The following DENND1B variants were observed in gnomAD, a reference collection of about 807,000 sequenced individuals.
The protein encoded by DENND1B is DENN domain containing 1B.
Under a neutral mutation model 90.1 loss-of-function variants are expected in DENND1B, and 59 were observed. The ratio of observed to expected loss-of-function variants is 0.65; its 90% CI spans 0.53 to 0.81. The LOEUF (loss-of-function observed/expected upper bound fraction) is 0.81. Among genes scored for constraint, DENND1B ranks in the 40% least tolerant of loss-of-function variants. The pLI is 0.00. For synonymous variants in DENND1B, 337 were observed against 324.6 expected (o/e 1.04, Z -0.41); for missense variants, 862 against 912.6 (o/e 0.94, Z 0.71).
At chr1:197,735,358 C>T in intron 2 of DENND1B, 5 of 1,335,476 alleles carry the variant, frequency 3.7e-6, no homozygotes, top group East Asian at 3.2e-5. Context: ...TCCACCTTGG[C>T]TTTTGGCAAT....
At chr1:197,555,566 C>G (rs895399115) in intron 15 of DENND1B, among the ~76,000 whole-genome samples, 4 of 151,974 alleles carry the variant, frequency 2.6e-5, no homozygotes, top group Non-Finnish European at 5.9e-5. Context: ...AGACACTGCT[C>G]AAAAGAAGAT....
At chr1:197,777,877 T>A (rs547116320), upstream of DENND1B, among the ~76,000 whole-genome samples, 14 of 152,308 alleles carry the variant, frequency 9.2e-5, no homozygotes, top group East Asian at 2.7e-3. Flanking sequence ...ATATATATTC[T>A]GCAGCTTTGG....
chr1:197,714,122 G>A (rs1157254937), intron 3 of DENND1B, among the ~76,000 whole-genome samples: 7 of 149,602 alleles, frequency 4.7e-5, no homozygotes, highest in East Asian at 2.0e-4. Flanking sequence ...GATTACAGGC[G>A]CACGCCACCA....
chr1:197,546,267 T>C (rs961084837), intron 17 of DENND1B, among the ~76,000 whole-genome samples: 2 of 152,182 alleles, frequency 1.3e-5, no homozygotes, highest in African/African-American at 4.8e-5. Flanking sequence ...TTGAGCAATA[T>C]GACTAGTAAT....
At chr1:197,554,985 A>G (rs539997438) in intron 15 of DENND1B, among the ~76,000 whole-genome samples, 5 of 152,068 alleles carry the variant, frequency 3.3e-5, no homozygotes, top group African/African-American at 4.8e-5. Flanking sequence ...AATGTGCTTT[A>G]CCCAGACCAA....
the DENND1B span, among the ~76,000 whole-genome samples, chr1:197,781,156 T>C: frequency 1.3e-5 from 2 of 152,196 alleles, no homozygotes; most frequent in Non-Finnish European, 2.9e-5. Context: ...AATAATACTA[T>C]TAATAATGCT....
chr1:197,692,279 G>C (rs192636488), intron 3 of DENND1B, among the ~76,000 whole-genome samples: 54 of 151,844 alleles, frequency 3.6e-4, no homozygotes, highest in African/African-American at 1.2e-3. Context: ...CCAATTCAAA[G>C]CACCTAAATC....
At chr1:197,682,597 A>G (rs1326976506) in intron 3 of DENND1B, among the ~76,000 whole-genome samples, 1 of 152,208 alleles carries the variant, frequency 6.6e-6, no homozygotes, top group African/African-American at 2.4e-5. Context: ...ACTCTAGAAG[A>G]CAGACATATA....
At chr1:197,704,782 C>A (rs1659364747) in intron 3 of DENND1B, among the ~76,000 whole-genome samples, 1 of 151,090 alleles carries the variant, frequency 6.6e-6, no homozygotes, top group Non-Finnish European at 1.5e-5. Context: ...AAAATTATTA[C>A]AATAATCTTT....
chr1:197,550,618 C>T (rs1403460195), intron 16 of DENND1B, among the ~76,000 whole-genome samples: 1 of 147,338 alleles, frequency 6.8e-6, no homozygotes, highest in East Asian at 2.0e-4. Flanking sequence ...ACAATGAGAA[C>T]ACATGGACAC....
At chr1:197,717,156 C>T (rs1363196121) in intron 2 of DENND1B, among the ~76,000 whole-genome samples, 1 of 151,930 alleles carries the variant, frequency 6.6e-6, no homozygotes, top group Non-Finnish European at 1.5e-5. Flanking sequence ...ATTTAGACCA[C>T]ATCTGACACA....
chr1:197,556,835 C>A (rs1291453043), intron 15 of DENND1B, among the ~76,000 whole-genome samples: 3 of 151,880 alleles, frequency 2.0e-5, no homozygotes, highest in Non-Finnish European at 4.4e-5. Context: ...TCCCCAGTAC[C>A]ACCACCTTTT....
chr1:197,760,430 G>A (rs984162198), intron 2 of DENND1B, among the ~76,000 whole-genome samples: 10 of 151,958 alleles, frequency 6.6e-5, no homozygotes, highest in African/African-American at 1.5e-4. Flanking sequence ...TAGGCAGGTC[G>A]CTTGAGCTCA....
chr1:197,560,070 C>T (rs530597424), intron 15 of DENND1B, among the ~76,000 whole-genome samples: 1 of 151,940 alleles, frequency 6.6e-6, no homozygotes, highest in Admixed American at 6.6e-5. Context: ...GTATTAAGAG[C>T]CCACTCAGTG....
intron 2 of DENND1B, among the ~76,000 whole-genome samples, chr1:197,741,296 A>G (rs976651988): frequency 6.7e-6 from 1 of 149,736 alleles, no homozygotes; most frequent in African/African-American, 2.6e-5. Flanking sequence ...TCCAAAGATC[A>G]TCACTTCCAA....
intron 7 of DENND1B, among the ~76,000 whole-genome samples, chr1:197,651,945 C>T (rs757764305): frequency 2.0e-5 from 3 of 151,996 alleles, no homozygotes; most frequent in Non-Finnish European, 2.9e-5. Flanking sequence ...GCATGAGCCA[C>T]CGGGCCCAGC....
chr1:197,640,615 T>A (rs906030653), intron 10 of DENND1B, among the ~76,000 whole-genome samples: 18 of 152,206 alleles, frequency 1.2e-4, no homozygotes, highest in African/African-American at 2.4e-4. Flanking sequence ...AGATTAAGGC[T>A]ACTATTGCTC....
intron 22 of DENND1B, 151 bp downstream of exon 22, chr1:197,511,577 A>T: frequency 2.3e-6 from 1 of 438,998 alleles, no homozygotes; most frequent in Non-Finnish European, 3.9e-6. Context: ...AATAATTTCT[A>T]GTGATTAAAT....
At chr1:197,736,156 A>C (rs907678394) in intron 2 of DENND1B, 1 of 616,234 alleles carries the variant, frequency 1.6e-6, no homozygotes. Context: ...AAAAAAAAAA[A>C]AAGAAAATAT....
Sources: allele counts gnomAD v4.1 joint callset (sites outside exome capture counted in the v4.1 genomes callset), GRCh38; gene constraint gnomAD v4.1.1; transcripts MANE v1.5; gene names NCBI Gene and HGNC (gene_info 2026-07-23, HGNC 2026-07-21).